The following SYT12 variants were observed in gnomAD, a reference collection of about 807,000 sequenced individuals.
SYT12 encodes the protein synaptotagmin 12.
A neutral mutation model predicts 39.5 loss-of-function variants in SYT12; 27 were observed. The observed-to-expected ratio is 0.68, with a 90% CI of 0.50 to 0.94. The LOEUF is 0.94. Among genes scored for constraint, SYT12 ranks in the 40% least tolerant of loss-of-function variants. The pLI, the probability that SYT12 is intolerant of heterozygous loss-of-function variation, is 0.00. For missense variants in SYT12, 536 were observed against 572.6 expected (o/e 0.94, Z 0.65); for synonymous variants, 233 against 239.7 (o/e 0.97, Z 0.26).
Position 67,043,825 on chromosome 11 carries a change from G to A in SYT12, c.809G>A (p.Gly270Asp). The change falls in exon 5 of 8, where the codon GGC becomes GAC. Residue 270 changes from glycine to aspartate, a missense_variant. Physicochemically the swap from Gly to Asp is moderately conservative, Grantham distance 94. Transcript: ENST00000527043. ...GACCTCCCGCTGCAGCCCTTCAGTG[G>A]CTGGCTCTATTTACAGGACCAGAAC... ...VLDLPLQPFS[G>D]WLYLQDQNKA... The A allele has an allele frequency of 1.2e-6, 2 of 1,614,094 alleles. No homozygotes were observed. Among genetic ancestry groups the A allele is most frequent in the Non-Finnish European group, 1.7e-6 (2 of 1,180,030 alleles).
chr11:67,023,763 C>T (rs1404446353), intron 1 of SYT12, among the ~76,000 whole-genome samples: 3 of 152,378 alleles, frequency 2.0e-5, no homozygotes, highest in East Asian at 1.9e-4. Flanking sequence ...ACGCCCCTCA[C>T]TTTCGCATTC....
In SYT12 at chr11:67,030,174, G is replaced by A; in HGVS notation, c.30G>A (p.Leu10=). Residue 10 remains leucine, a synonymous_variant, in exon 2 of 8, where the codon CTG becomes CTA. Transcript: ENST00000527043. MAVDVAEYH[L]SVIKSPPGWE... ...CTGTGGATGTGGCAGAATACCATCTGAGCGGTGAGTGCCCAGGGCAAACCC... is the reference window on the plus strand; with the variant it reads ...CTGTGGATGTGGCAGAATACCATCTAAGCGGTGAGTGCCCAGGGCAAACCC... 1 of 1,614,078 alleles carries A rather than the reference G, an allele frequency of 6.2e-7. No homozygotes were observed. The highest frequency in any genetic ancestry group is 8.5e-7 in the Non-Finnish European group (1 of 1,180,014).
At chr11:67,009,831 TTTTG>T (rs1052319176) in intron 1 of SYT12, 12 of 153,618 alleles carry the variant, frequency 7.8e-5, no homozygotes, top group East Asian at 1.9e-4. Flanking sequence ...GGAGAGTTTT[TTTTG>T]TTTGTTTGTT....
At chr11:67,034,262 G>C (rs961815728) in intron 2 of SYT12, among the ~76,000 whole-genome samples, 1 of 152,070 alleles carries the variant, frequency 6.6e-6, no homozygotes, top group African/African-American at 2.4e-5. Context: ...ACATAGATTT[G>C]CCTTTTCTGG....
chr11:67,032,304 C>G (rs1371842795), intron 2 of SYT12: 1 of 152,262 alleles, frequency 6.6e-6, no homozygotes, highest in East Asian at 1.9e-4. Context: ...CACTGGCCCC[C>G]TCGGTGGGAC....
intron 1 of SYT12, among the ~76,000 whole-genome samples, chr11:67,023,754 C>T (rs906323453): frequency 6.6e-6 from 1 of 152,244 alleles, no homozygotes; most frequent in African/African-American, 2.4e-5. Flanking sequence ...GCTGCACACA[C>T]GCCCCTCACT....
At chr11:67,014,270 G>A (rs774086378) in intron 3 of SYT12, among the ~76,000 whole-genome samples, 2 of 152,226 alleles carry the variant, frequency 1.3e-5, no homozygotes, top group Non-Finnish European at 2.9e-5. Flanking sequence ...CAGCCTAGAT[G>A]TGTGTAGATG....
intron 3 of SYT12, among the ~76,000 whole-genome samples, chr11:67,038,517 T>G (rs992389112): frequency 6.6e-6 from 1 of 152,088 alleles, no homozygotes; most frequent in Admixed American, 6.6e-5. Flanking sequence ...GAAAGCTTCC[T>G]GTGTTGTAAA....
At chr11:67,046,413 C>T (rs1049795540) in intron 7 of SYT12, among the ~76,000 whole-genome samples, 2 of 152,184 alleles carry the variant, frequency 1.3e-5, no homozygotes, top group African/African-American at 2.4e-5. Context: ...GGATGGGGCT[C>T]GCACCACCTT....
chr11:67,043,900 A>C (rs1019966059), intron 5 of SYT12, 47 bp downstream of exon 5: 1 of 1,560,068 alleles, frequency 6.4e-7, no homozygotes, highest in South Asian at 1.1e-5. Context: ...GTGCACACAC[A>C]TACACTTCCA....
chr11:67,043,748 G>C lies in SYT12; in HGVS notation c.732G>C (p.Glu244Asp). Residue 244 changes from glutamate to aspartate, a missense_variant, in exon 5 of 8, where the codon GAG becomes GAC. Coordinates refer to ENST00000527043, the MANE Select transcript of SYT12 (RefSeq NM_177963.4). Reference sequence around the variant, plus strand: ...GGTTTTCTGTATTTGGCATCGATGAGGATGAGCGCAACGTCAGCACGGGGG... The same window carrying C: ...GGTTTTCTGTATTTGGCATCGATGACGATGAGCGCAACGTCAGCACGGGGG... ...SLRFSVFGIDEDERNVSTGVV... is the reference protein window; with the variant it reads ...SLRFSVFGIDDDERNVSTGVV... 1 of 1,614,180 alleles carries C rather than the reference G, an allele frequency of 6.2e-7. No individual in the cohort carries two copies. Among genetic ancestry groups the C allele is most frequent in the Non-Finnish European group, 8.5e-7 (1 of 1,180,048 alleles).
chr11:67,035,856 T>TCTCTCTC, intron 3 of SYT12, among the ~76,000 whole-genome samples: 1 of 134,288 alleles, frequency 7.4e-6, no homozygotes, highest in African/African-American at 3.2e-5. Context: ...CTTTCTTTCT[T>TCTCTCTC]TCTTTCTTTC....
chr11:67,034,955 C>T (rs1950331093), intron 3 of SYT12, 117 bp downstream of exon 3: 1 of 718,440 alleles, frequency 1.4e-6, no homozygotes. Flanking sequence ...TTAATGTCCT[C>T]CTTTGAAAGG....
At chr11:67,013,592 G>A (rs535805374) in intron 3 of SYT12, among the ~76,000 whole-genome samples, 7 of 152,164 alleles carry the variant, frequency 4.6e-5, no homozygotes, top group Admixed American at 2.0e-4. Context: ...CCCCCTCCCT[G>A]GGCCAGGATC....
chr11:67,043,652 C>T lies in SYT12; in HGVS notation c.636C>T (p.Ala212=). ...IVGISRIQRN[A]YSIFFDEKFS... The stretch of plus-strand genomic sequence containing the variant: ...TTCTCCTGCAGATCCAGAGAAATGC[C>T]TACTCCATCTTCTTTGATGAGAAGT... Residue 212 remains alanine (A), a synonymous_variant, in exon 5 of 8, where the codon GCC becomes GCT. Transcript: ENST00000527043. 6.2e-7 allele frequency: 1 copy of T among 1,614,118 alleles called. No homozygotes were observed. Among genetic ancestry groups the T allele is most frequent in the Non-Finnish European group, 8.5e-7 (1 of 1,180,038 alleles).
At chr11:67,019,714 G>A (rs558303058), upstream of SYT12, among the ~76,000 whole-genome samples, 1 of 152,002 alleles carries the variant, frequency 6.6e-6, no homozygotes, top group South Asian at 2.1e-4. Flanking sequence ...CCTGGGCAAC[G>A]TGGCAAAACC....
At chr11:67,010,791 G>A (rs1223804509) in intron 2 of SYT12, 1 of 152,176 alleles carries the variant, frequency 6.6e-6, no homozygotes, top group Non-Finnish European at 1.5e-5. Context: ...GTCGCTGATG[G>A]TGCCCACACC....
chr11:67,014,622 C>G (rs1950039038), intron 3 of SYT12, among the ~76,000 whole-genome samples: 1 of 152,202 alleles, frequency 6.6e-6, no homozygotes, highest in Admixed American at 6.5e-5. Context: ...CCAGACTGGA[C>G]AATAAGGGGC....
intron 7 of SYT12, among the ~76,000 whole-genome samples, chr11:67,047,533 G>T (rs971056222): frequency 1.3e-5 from 2 of 150,480 alleles, no homozygotes; most frequent in Admixed American, 1.3e-4. Flanking sequence ...CTCCCAAAGT[G>T]CTAGGATTAC....
Sources: allele counts gnomAD v4.1 joint callset (sites outside exome capture counted in the v4.1 genomes callset), GRCh38; gene constraint gnomAD v4.1.1; transcripts MANE v1.5; gene names NCBI Gene and HGNC (gene_info 2026-07-23, HGNC 2026-07-21).